CRMP1: variants seen among roughly 807,000 people sequenced by gnomAD.
The protein encoded by CRMP1 is dihydropyrimidinase-related protein 1.
CRMP1 carries 19 observed loss-of-function variants against 68.3 expected under a neutral mutation model. That is an observed-to-expected ratio of 0.28 (90% CI 0.19 to 0.41). CRMP1 has a LOEUF of 0.41. CRMP1 is among the 10% of genes least tolerant of loss of function. The pLI, the probability that CRMP1 is intolerant of heterozygous loss-of-function variation, is 1.00. For missense variants in CRMP1, 791 were observed against 967.4 expected (o/e 0.82, Z 2.42); for synonymous variants, 439 against 399.6 (o/e 1.10, Z -1.18).
intron 10 of CRMP1, 40 bp downstream of exon 10, chr4:5,836,724 GA>G: frequency 6.2e-7 from 1 of 1,613,838 alleles, no homozygotes; most frequent in South Asian, 1.1e-5. Flanking sequence ...AGGGCAGGTA[GA>G]GTGTTTCTAG....
At position 5,825,360 on chromosome 4, in the gene CRMP1, G is replaced by A. The variant is rs931631996; in HGVS notation, c.1969+134C>T. The A allele has an allele frequency of 2.0e-5, 29 of 1,433,568 alleles. No homozygotes were observed. The highest frequency in any genetic ancestry group is 2.6e-4 in the Middle Eastern group (1 of 3,876). 88.8% of individuals were successfully genotyped at this position (1,433,568 alleles called of 1,614,324 possible). A position where few individuals can be genotyped will look rare whatever the true frequency, so the allele number is the denominator to read the frequency against. On this transcript the variant is annotated intron_variant, in intron 13 of 13. Transcript: ENST00000324989. The surrounding 1 kb of genome is among the most constrained non-coding windows in gnomAD (Gnocchi z 4.4). ...CTGCCCCACCAGTGAGAGCAGGCTC[G>A]GGTGGGGCACACTCCCTTCCCTGCT...
At chr4:5,836,224 T>C (rs1039034784) in intron 10 of CRMP1, 139 bp from the exon 11 acceptor site, 5 of 691,030 alleles carry the variant, frequency 7.2e-6, no homozygotes, top group South Asian at 1.1e-4. Context: ...AAACGTGCCA[T>C]CATCAAGAAC....
Position 5,841,535 on chromosome 4 carries a change from T to G in CRMP1, c.1033-107A>C. The stretch of plus-strand genomic sequence containing the variant: ...TGATCAGAAGGGAAATCTGCTCCAT[T>G]GAATGAGAAGGACATACTGAGTCCA... On this transcript the variant is annotated intron_variant, in intron 7 of 13. Transcript: ENST00000324989. This position sits in a 1 kb window ranked among gnomAD's most constrained non-coding sequence, Gnocchi z 6.9. The G allele has an allele frequency of 6.5e-7, 1 of 1,543,862 alleles. No homozygotes were observed. Among genetic ancestry groups the G allele is most frequent in the Admixed American group, 1.7e-5 (1 of 57,222 alleles).
chr4:5,871,039 T>C (rs1714400995), intron 1 of CRMP1, among the ~76,000 whole-genome samples: 1 of 152,066 alleles, frequency 6.6e-6, no homozygotes. Context: ...GCCAGAAGAT[T>C]GGCCCAACCT....
chr4:5,870,885 C>G lies in CRMP1; in HGVS notation c.382-4129G>C, dbSNP rs1714389798. The stretch of plus-strand genomic sequence containing the variant: ...CAAGCTGGCGTGCATGTTTCCCCGG[C>G]TCCAGAACAGGAAACATAAGTCACC... On this transcript the variant is annotated intron_variant, in intron 1 of 13. Transcript: ENST00000324989. This position sits in a 1 kb window ranked among gnomAD's most constrained non-coding sequence, Gnocchi z 6.0. Among the ~76,000 whole-genome samples, 1 of 152,148 alleles carries G rather than the reference C, an allele frequency of 6.6e-6. No individual in the cohort carries two copies. Among genetic ancestry groups the G allele is most frequent in the African/African-American group, 2.4e-5 (1 of 41,406 alleles).
At position 5,888,416 on chromosome 4, in the gene CRMP1, C is replaced by G; in HGVS notation, c.381+4173G>C. 8.2e-7 allele frequency: 1 copy of G among 1,217,882 alleles called. No homozygotes were observed. The highest frequency in any genetic ancestry group is 3.3e-5 in the East Asian group (1 of 30,536). The allele number at this position is 1,217,882 out of a possible 1,614,324, so 75.4% of individuals were successfully genotyped here. A position where few individuals can be genotyped will look rare whatever the true frequency, so the allele number is the denominator to read the frequency against. On this transcript the variant is annotated intron_variant, in intron 1 of 13. Transcript: ENST00000324989. The surrounding 1 kb of genome is among the most constrained non-coding windows in gnomAD (Gnocchi z 6.4). ...GAGGCTCGGCGCCCGTGGATGCCCACGCGCGGCTGCCCCGGCTGCTCGGCC... is the reference window on the plus strand; with the variant it reads ...GAGGCTCGGCGCCCGTGGATGCCCAGGCGCGGCTGCCCCGGCTGCTCGGCC...
rs769193548 is a variant in CRMP1 at position 5,889,886 on chromosome 4, G to T, written c.381+2703C>A. The T allele has an allele frequency of 1.5e-5, 21 of 1,420,622 alleles. No homozygotes were observed. The highest frequency in any genetic ancestry group is 1.9e-5 in the Non-Finnish European group (21 of 1,089,780). 88.0% of individuals were successfully genotyped at this position (1,420,622 alleles called of 1,614,324 possible). A position where few individuals can be genotyped will look rare whatever the true frequency, so the allele number is the denominator to read the frequency against. ...AGGTTTTAGCTTCACAGAGAAGCCA[G>T]CTCAGTATCCCAGGAACACTAGGCA... On this transcript the variant is annotated intron_variant, in intron 1 of 13. Transcript: ENST00000324989. This position sits in a 1 kb window ranked among gnomAD's most constrained non-coding sequence, Gnocchi z 4.5.
Position 5,833,427 on chromosome 4 carries a change from A to G in CRMP1, c.1623+2488T>C, listed in dbSNP as rs552093339. Among the ~76,000 whole-genome samples the G allele has an allele frequency of 2.8e-3, 242 of 86,684 alleles. 47 individuals are homozygous for G. The highest frequency in any genetic ancestry group is 0.011 in the African/African-American group (227 of 20,074). 56.9% of individuals were successfully genotyped at this position (86,684 alleles called of 152,430 possible). On this transcript the variant is annotated intron_variant, in intron 11 of 13. Transcript: ENST00000324989. ...GTGATCCGCCCGCCTCGGCCTCCCA[A>G]AGTGCTGGGATTACAGGCGTGAGCC...
chr4:5,835,604 G>T (rs1463962120), intron 11 of CRMP1, among the ~76,000 whole-genome samples: 1 of 152,158 alleles, frequency 6.6e-6, no homozygotes, highest in Non-Finnish European at 1.5e-5. Flanking sequence ...CCCTCGCTGA[G>T]CCCTGAAGCT....
intron 1 of CRMP1, among the ~76,000 whole-genome samples, chr4:5,876,858 C>G (rs779008144): frequency 6.6e-6 from 1 of 152,010 alleles, no homozygotes; most frequent in Non-Finnish European, 1.5e-5. Flanking sequence ...ATTCATTCAC[C>G]AGATCTAGAT....
At position 5,832,324 on chromosome 4, in the gene CRMP1, T is replaced by C. The variant is rs527952949; in HGVS notation, c.1623+3591A>G. 1.5e-3 allele frequency among the ~76,000 whole-genome samples: 231 copies of C among 152,368 alleles called. 1 individual carries two copies. The highest frequency in any genetic ancestry group is 1.6e-3 in the Non-Finnish European group (106 of 68,038). On this transcript the variant is annotated intron_variant, in intron 11 of 13. Transcript: ENST00000324989. The stretch of plus-strand genomic sequence containing the variant: ...GGCAACACTTATGGTATATGAATTA[T>C]ATCTCGATAAGAAACTTAAAAACAT...
Position 5,872,251 on chromosome 4 carries a change from T to A in CRMP1, c.382-5495A>T, listed in dbSNP as rs1235088893. Among the ~76,000 whole-genome samples the A allele has an allele frequency of 6.6e-6, 1 of 152,052 alleles. No homozygotes were observed. Among genetic ancestry groups the A allele is most frequent in the African/African-American group, 2.4e-5 (1 of 41,412 alleles). On this transcript the variant is annotated intron_variant, in intron 1 of 13. Transcript: ENST00000324989. This position sits in a 1 kb window ranked among gnomAD's most constrained non-coding sequence, Gnocchi z 4.6. ...TACTAAAAAAGTAAATGTTACATAA[T>A]ATATGTTTTTAAAATTAATAACACC... is the stretch of plus-strand genomic sequence containing the variant.
intron 10 of CRMP1, 94 bp downstream of exon 10, chr4:5,836,671 G>C: frequency 6.3e-7 from 1 of 1,583,162 alleles, no homozygotes; most frequent in East Asian, 2.2e-5. Flanking sequence ...ATGTAAGAAG[G>C]GAACTTTTAA....
rs761956356 is a variant in CRMP1 at position 5,866,787 on chromosome 4, T to C, written c.382-31A>G. 5 of 1,501,184 alleles carry C rather than the reference T, an allele frequency of 3.3e-6. No homozygotes were observed. The Admixed American group carries it at 6.0e-5, about 18-fold the overall frequency. 93.0% of individuals were successfully genotyped at this position (1,501,184 alleles called of 1,614,324 possible). A position where few individuals can be genotyped will look rare whatever the true frequency, so the allele number is the denominator to read the frequency against. Reference sequence around the variant, plus strand: ...AAGCAAGGCAAAGTATTAAGGATCCTTGGTGAAAAGCCAGGATAAAGTTTT... The same window carrying C: ...AAGCAAGGCAAAGTATTAAGGATCCCTGGTGAAAAGCCAGGATAAAGTTTT... On this transcript the variant is annotated intron_variant, in intron 1 of 13. Coordinates refer to ENST00000324989, the MANE Select transcript of CRMP1 (RefSeq NM_001014809.3). This position sits in a 1 kb window ranked among gnomAD's most constrained non-coding sequence, Gnocchi z 5.9.
chr4:5,835,911 T>C lies in CRMP1; in HGVS notation c.1623+4A>G. ...CTCAGCAGCACAAATAGGCCAGGAC[T>C]TACCGACTTGTGACTTTTGGCTGTT... On this transcript the variant is annotated splice_donor_region_variant and intron_variant, in intron 11 of 13. Coordinates refer to ENST00000324989, the MANE Select transcript of CRMP1 (RefSeq NM_001014809.3). 6.5e-7 allele frequency: 1 copy of C among 1,532,140 alleles called. No individual in the cohort carries two copies. Among genetic ancestry groups the C allele is most frequent in the Non-Finnish European group, 8.8e-7 (1 of 1,140,260 alleles). 94.9% of individuals were successfully genotyped at this position (1,532,140 alleles called of 1,614,324 possible). A position where few individuals can be genotyped will look rare whatever the true frequency, so the allele number is the denominator to read the frequency against.
rs1054504064 is a variant in CRMP1, at chr4:5,842,163, G to A, written c.1033-735C>T. Among the ~76,000 whole-genome samples, 7 of 151,920 alleles carry A rather than the reference G, an allele frequency of 4.6e-5. No homozygotes were observed. The highest frequency in any genetic ancestry group is 4.8e-5 in the African/African-American group (2 of 41,432). ...TGAGGCAGGAGAATGGTGTGAACCC[G>A]GGAGGCAGAGCTTGCAGTGAGCCAA... On this transcript the variant is annotated intron_variant, in intron 7 of 13. Transcript: ENST00000324989. This position sits in a 1 kb window ranked among gnomAD's most constrained non-coding sequence, Gnocchi z 4.5.
chr4:5,857,173 C>A (rs931639994), intron 3 of CRMP1, among the ~76,000 whole-genome samples: 2 of 151,592 alleles, frequency 1.3e-5, no homozygotes, highest in African/African-American at 2.4e-5. Context: ...ACTATCATCA[C>A]CACTATCATT....
rs543701569 is a variant in CRMP1 at position 5,872,359 on chromosome 4, T to C, written c.382-5603A>G. ...GTTACTGTGAGGGGAAAACAGCAGA[T>C]GTGAACAATGGTACGCTCTGCACAA... On this transcript the variant is annotated intron_variant, in intron 1 of 13. Transcript: ENST00000324989. This position sits in a 1 kb window ranked among gnomAD's most constrained non-coding sequence, Gnocchi z 4.6. 9.8e-5 allele frequency among the ~76,000 whole-genome samples: 15 copies of C among 152,314 alleles called. No individual in the cohort carries two copies. The highest frequency in any genetic ancestry group is 2.9e-4 in the African/African-American group (12 of 41,564).
intron 5 of CRMP1, 143 bp downstream of exon 5, chr4:5,851,265 T>C (rs1712596008): frequency 1.3e-6 from 1 of 761,966 alleles, no homozygotes; most frequent in African/African-American, 1.7e-5. Flanking sequence ...ACTGACACCG[T>C]ATCACACAGC....
Sources: gnomAD v4.1 joint callset for allele counts (sites outside exome capture counted in the v4.1 genomes callset) on GRCh38, gnomAD v4.1.1 for gene constraint, Gnocchi (gnomAD v3.1) non-coding constraint, MANE v1.5 for transcripts, NCBI Gene and HGNC (gene_info 2026-07-23, HGNC 2026-07-21) for gene names.